NT5DC1: variants seen among roughly 807,000 people sequenced by gnomAD.
The protein encoded by NT5DC1 is 5'-nucleotidase domain-containing protein 1.
In NT5DC1, 42 loss-of-function variants were observed where a neutral mutation model predicts 59.4. That is an observed-to-expected ratio of 0.71 (90% CI 0.55 to 0.92). The LOEUF is 0.92. NT5DC1 is among the 40% of genes least tolerant of loss of function. NT5DC1 has a pLI of 0.00. For missense variants in NT5DC1, 501 were observed against 537.1 expected (o/e 0.93, Z 0.66); for synonymous variants, 172 against 188.1 (o/e 0.91, Z 0.70).
intron 5 of NT5DC1, 56 bp from the exon 6 acceptor site, chr6:116,117,805 C>A: frequency 1.0e-6 from 1 of 982,978 alleles, no homozygotes. Context: ...CAGCATTTTT[C>A]ACTATGCTTA....
At chr6:116,163,233 GT>G (rs1347560810) in intron 6 of NT5DC1, among the ~76,000 whole-genome samples, 3 of 146,874 alleles carry the variant, frequency 2.0e-5, no homozygotes, top group Admixed American at 6.8e-5. Flanking sequence ...CTGGTCCTGG[GT>G]TTTTTTTTGT....
At chr6:116,152,960 A>G (rs994216898) in intron 6 of NT5DC1, among the ~76,000 whole-genome samples, 1 of 152,140 alleles carries the variant, frequency 6.6e-6, no homozygotes, top group East Asian at 1.9e-4. Flanking sequence ...TCTTATTTTT[A>G]TAGTATAATA....
intron 6 of NT5DC1, among the ~76,000 whole-genome samples, chr6:116,220,121 C>CT (rs1562170568): frequency 8.7e-4 from 94 of 108,308 alleles, no homozygotes; most frequent in African/African-American, 2.4e-3. Flanking sequence ...AGCTGTTTAA[C>CT]CTTTTTTTTT....
At chr6:116,173,907 C>T (rs1277106254) in intron 6 of NT5DC1, among the ~76,000 whole-genome samples, 1 of 152,128 alleles carries the variant, frequency 6.6e-6, no homozygotes, top group Non-Finnish European at 1.5e-5. Flanking sequence ...CTTTTCCTGT[C>T]CCATAATCCC....
rs776543416 is a variant in NT5DC1 at position 116,236,969 on chromosome 6, A to G, written c.806A>G (p.Asn269Ser). The change falls in exon 9 of 12, where the codon AAT becomes AGT. Residue 269 changes from asparagine to serine, a missense_variant. Physicochemically the swap from Asn to Ser is conservative, Grantham distance 46 (BLOSUM62 1). Transcript: ENST00000319550. The stretch of plus-strand genomic sequence containing the variant: ...GATTGTCAAACTGTATTTTCAGAGA[A>G]TGATGAGGAGCAGGAGGCACTGCCA... ...PSQRPFRTLE[N>S]DEEQEALPSL... 1 of 1,582,410 alleles carries G rather than the reference A, an allele frequency of 6.3e-7. No individual in the cohort carries two copies. Among genetic ancestry groups the G allele is most frequent in the East Asian group, 2.2e-5 (1 of 44,702 alleles).
At chr6:116,176,771 C>T (rs1009416471) in intron 6 of NT5DC1, among the ~76,000 whole-genome samples, 6 of 152,046 alleles carry the variant, frequency 3.9e-5, no homozygotes, top group Non-Finnish European at 7.4e-5. Context: ...CAGGTAGCAC[C>T]GAAGCACTGT....
chr6:116,119,973 T>C (rs867053914), intron 6 of NT5DC1: 2 of 1,092,524 alleles, frequency 1.8e-6, no homozygotes, highest in Admixed American at 3.5e-5. Flanking sequence ...AAAATAAAAA[T>C]TACATTCTTT....
intron 5 of NT5DC1, among the ~76,000 whole-genome samples, chr6:116,116,492 A>C (rs184077044): frequency 6.6e-6 from 1 of 152,248 alleles, no homozygotes; most frequent in Non-Finnish European, 1.5e-5. Context: ...AAATACAAAA[A>C]TTAGCTGGGT....
Position 116,188,586 on chromosome 6 carries a change from T to C in NT5DC1, c.530-32468T>C, listed in dbSNP as rs569272239. 5.9e-5 allele frequency among the ~76,000 whole-genome samples: 9 copies of C among 152,126 alleles called. No individual in the cohort carries two copies. The South Asian group carries it at 1.9e-3, about 32-fold the overall frequency. ...TTATAAAATAGATATTAAAATGGGT[T>C]ACACTAGAGCATAATTAGGTAGTAA... On this transcript the variant is annotated intron_variant, in intron 6 of 11. Transcript: ENST00000319550.
chr6:116,182,070 C>T (rs1040745802), intron 6 of NT5DC1, among the ~76,000 whole-genome samples: 1 of 151,972 alleles, frequency 6.6e-6, no homozygotes, highest in South Asian at 2.1e-4. Flanking sequence ...TATTCTTATG[C>T]CTTTGTGTCT....
chr6:116,136,040 T>G (rs538844740), intron 6 of NT5DC1, among the ~76,000 whole-genome samples: 1 of 151,978 alleles, frequency 6.6e-6, no homozygotes, highest in Admixed American at 6.6e-5. Flanking sequence ...CATGAACTTA[T>G]TCATCCTACG....
At chr6:116,199,359 G>C (rs1562161366) in intron 6 of NT5DC1, among the ~76,000 whole-genome samples, 1 of 152,062 alleles carries the variant, frequency 6.6e-6, no homozygotes, top group Non-Finnish European at 1.5e-5. Context: ...AAAGGACAGG[G>C]AACTACCATT....
intron 6 of NT5DC1, among the ~76,000 whole-genome samples, chr6:116,198,119 G>C (rs2114504399): frequency 6.6e-6 from 1 of 152,154 alleles, no homozygotes; most frequent in South Asian, 2.1e-4. Context: ...CTGTCAAAGT[G>C]CTGGGTGGTC....
chr6:116,236,934 A>G, intron 8 of NT5DC1, 32 bp from the exon 9 acceptor site: 1 of 1,398,236 alleles, frequency 7.2e-7, no homozygotes, highest in Non-Finnish European at 1.0e-6. Context: ...CACTTGATTA[A>G]AAAGTATATG....
rs1237282901 is a variant in NT5DC1, at chr6:116,120,744, C to G, written c.529+2799C>G. 1.3e-6 allele frequency: 2 copies of G among 1,598,006 alleles called. No individual in the cohort carries two copies. The highest frequency in any genetic ancestry group is 3.5e-5 in the Admixed American group (2 of 56,740). ...TTAGACCCAGGGAATCCTGGAATGC[C>G]TGGTGGCCCAATAGGGCCTCTAGTA... On this transcript the variant is annotated intron_variant, in intron 6 of 11. Coordinates refer to ENST00000319550, the MANE Select transcript of NT5DC1 (RefSeq NM_152729.3).
intron 8 of NT5DC1, among the ~76,000 whole-genome samples, chr6:116,233,977 GT>G (rs34646243): frequency 0.036 from 3,957 of 109,660 alleles, 68 homozygotes; most frequent in African/African-American, 0.13. Context: ...TCTTATAACT[GT>G]TTTTTTTTTT....
chr6:116,126,799 G>C (rs148556235), intron 6 of NT5DC1, among the ~76,000 whole-genome samples: 1 of 151,996 alleles, frequency 6.6e-6, no homozygotes, highest in Admixed American at 6.6e-5. Flanking sequence ...ATTTACATAA[G>C]ATTGCTGTGT....
chr6:116,213,272 A>G (rs114345659), intron 6 of NT5DC1, among the ~76,000 whole-genome samples: 1 of 152,026 alleles, frequency 6.6e-6, no homozygotes, highest in East Asian at 1.9e-4. Context: ...GGGGCTCACT[A>G]TGTCTTGCAG....
intron 6 of NT5DC1, among the ~76,000 whole-genome samples, chr6:116,145,085 A>G (rs1334149448): frequency 6.6e-6 from 1 of 152,170 alleles, no homozygotes; most frequent in Non-Finnish European, 1.5e-5. Context: ...TATATCAGCA[A>G]AGTTATAGGA....
Sources: gnomAD v4.1 joint callset for allele counts (sites outside exome capture counted in the v4.1 genomes callset) on GRCh38, gnomAD v4.1.1 for gene constraint, MANE v1.5 for transcripts, NCBI Gene and HGNC (gene_info 2026-07-23, HGNC 2026-07-21) for gene names.